The following EIF3L variants were observed in gnomAD, a reference collection of about 807,000 sequenced individuals.
The protein encoded by EIF3L is eukaryotic translation initiation factor 3 subunit L.
Under a neutral mutation model 74.6 loss-of-function variants are expected in EIF3L, and 32 were observed. The ratio of observed to expected loss-of-function variants is 0.43; its 90% confidence interval spans 0.32 to 0.58. The LOEUF is 0.58. Among genes scored for constraint, EIF3L ranks in the 20% least tolerant of loss-of-function variants. The pLI, the probability that EIF3L is intolerant of heterozygous loss-of-function variation, is 0.06. For synonymous variants in EIF3L, 256 were observed against 254.4 expected (o/e 1.01, Z -0.06); for missense variants, 474 against 707.8 (o/e 0.67, Z 3.75).
chr22:37,853,257 CAA>C (rs1484398140), intron 3 of EIF3L, among the ~76,000 whole-genome samples: 1 of 151,866 alleles, frequency 6.6e-6, no homozygotes, highest in East Asian at 1.9e-4. Context: ...TGACTCCTAA[CAA>C]GAAAGAATTC....
At chr22:37,855,681 G>C (rs1181967310) in intron 4 of EIF3L, 37 bp downstream of exon 4, 13 of 1,532,148 alleles carry the variant, frequency 8.5e-6, no homozygotes, top group African/African-American at 1.4e-5. Flanking sequence ...GCACTGAGTG[G>C]AATCCAGTGG....
chr22:37,879,929 A>C (rs1033341214), intron 11 of EIF3L: 1 of 150,594 alleles, frequency 6.6e-6, no homozygotes, highest in Non-Finnish European at 1.5e-5. Context: ...CCTCCTGAGT[A>C]GCTGGGATTA....
intron 11 of EIF3L, chr22:37,884,872 C>T: frequency 7.6e-6 from 1 of 131,974 alleles, no homozygotes. Context: ...ATAAAGAAAA[C>T]TTTCTCCCTT....
chr22:37,851,773 C>G (rs1329912753), intron 3 of EIF3L, among the ~76,000 whole-genome samples: 1 of 152,210 alleles, frequency 6.6e-6, no homozygotes, highest in Admixed American at 6.5e-5. Flanking sequence ...TCAAGTGATT[C>G]TCCAGCCTCA....
At position 37,870,178 on chromosome 22, in the gene EIF3L, T is replaced by C. The variant is rs775605538; in HGVS notation, c.582T>C (p.Phe194=). The part of the protein sequence containing the change: ...WDIIDEFIYQ[F]QSFSQYRCKT... Reference sequence around the variant, plus strand: ...ATGTTTCTTTTCTTCCTCAACAGTTTCAGTCATTCAGTCAGTACCGCTGTA... The same window carrying C: ...ATGTTTCTTTTCTTCCTCAACAGTTCCAGTCATTCAGTCAGTACCGCTGTA... The change falls in exon 8 of 13, where the codon TTT becomes TTC. Residue 194 remains phenylalanine, a splice_region_variant and synonymous_variant. Coordinates refer to ENST00000652021, the MANE Select transcript of EIF3L (RefSeq NM_016091.4). 2.5e-6 allele frequency: 4 copies of C among 1,596,486 alleles called. No homozygotes were observed. Among genetic ancestry groups the C allele is most frequent in the Admixed American group, 3.5e-5 (2 of 56,944 alleles).
chr22:37,857,516 CG>C (rs1355356349), intron 4 of EIF3L, among the ~76,000 whole-genome samples: 3 of 151,614 alleles, frequency 2.0e-5, no homozygotes, highest in South Asian at 2.1e-4. Flanking sequence ...TTATAGCTAA[CG>C]TTTTTTTGAA....
intron 8 of EIF3L, among the ~76,000 whole-genome samples, chr22:37,870,582 G>A (rs1926417484): frequency 6.6e-6 from 1 of 152,164 alleles, no homozygotes; most frequent in Admixed American, 6.5e-5. Context: ...ATTTGCGTTT[G>A]TAAACACTTC....
rs575742841 is a variant in EIF3L at position 37,878,849 on chromosome 22, G to C, written c.1575+678G>C. On this transcript the variant is annotated intron_variant, in intron 11 of 12. Coordinates refer to ENST00000652021, the MANE Select transcript of EIF3L (RefSeq NM_016091.4). Reference sequence around the variant, plus strand: ...GAAGGCAGAGGTGGTGGGAAGCACAGGTTGCAATGTTAAATACGGTGTTCA... The same window carrying C: ...GAAGGCAGAGGTGGTGGGAAGCACACGTTGCAATGTTAAATACGGTGTTCA... 3.3e-5 allele frequency: 5 copies of C among 152,304 alleles called. No individual in the cohort carries two copies. In the East Asian group the frequency reaches 5.8e-4, roughly 18 times the overall value. The allele number at this position is 152,304 out of a possible 1,614,324, so 9.4% of individuals were successfully genotyped here. A position where few individuals can be genotyped will look rare whatever the true frequency, so the allele number is the denominator to read the frequency against.
chr22:37,854,010 A>G (rs1925365452), intron 3 of EIF3L, among the ~76,000 whole-genome samples: 1 of 152,262 alleles, frequency 6.6e-6, no homozygotes. Flanking sequence ...GCTAGTGGCT[A>G]TTGCATTGGG....
intron 8 of EIF3L, 51 bp from the exon 9 acceptor site, chr22:37,874,319 G>T (rs1195254193): frequency 6.3e-7 from 1 of 1,581,142 alleles, no homozygotes; most frequent in Non-Finnish European, 8.6e-7. Context: ...GGTCAGGTGT[G>T]CCTGCCTTTA....
chr22:37,850,032 C>G lies in EIF3L; in HGVS notation c.51C>G (p.Tyr17Ter), dbSNP rs373682490. The change falls in exon 2 of 13, where the codon TAC (tyrosine) becomes TAG (stop). Residue 17 changes from tyrosine (Y) to a stop codon, truncating the protein, a stop_gained. Coordinates refer to ENST00000652021, the MANE Select transcript of EIF3L (RefSeq NM_016091.4). LOFTEE classifies it high-confidence loss of function. ...CCTTCTAGGCGGCTTATGACCCCTA[C>G]GCTTATCCCAGCGACTATGATATGC... is the stretch of plus-strand genomic sequence containing the variant. ...DYESEAAYDP[Y>*]AYPSDYDMHT... 2 of 1,613,704 alleles carry G rather than the reference C, an allele frequency of 1.2e-6. No homozygotes were observed. The highest frequency in any genetic ancestry group is 8.5e-7 in the Non-Finnish European group (1 of 1,179,782).
At chr22:37,864,927 A>G (rs1926066348) in intron 7 of EIF3L, among the ~76,000 whole-genome samples, 1 of 152,162 alleles carries the variant, frequency 6.6e-6, no homozygotes, top group Non-Finnish European at 1.5e-5. Flanking sequence ...TCTAAAACGG[A>G]TTGCTGCGAA....
chr22:37,863,254 C>T lies in EIF3L; in HGVS notation c.506-18C>T. ...AGTCATTGCTTTGAATCTGACTTTTCTGTGATCTCCTGCACAGATGCCGAT... is the reference window on the plus strand; with the variant it reads ...AGTCATTGCTTTGAATCTGACTTTTTTGTGATCTCCTGCACAGATGCCGAT... On this transcript the variant is annotated intron_variant, in intron 6 of 12. Transcript: ENST00000652021. 6.2e-7 allele frequency: 1 copy of T among 1,604,792 alleles called. No homozygotes were observed. Among genetic ancestry groups the T allele is most frequent in the East Asian group, 2.2e-5 (1 of 44,814 alleles).
At chr22:37,862,796 C>T (rs912116096) in intron 5 of EIF3L, among the ~76,000 whole-genome samples, 173 bp from the exon 6 acceptor site, 1 of 152,166 alleles carries the variant, frequency 6.6e-6, no homozygotes, top group African/African-American at 2.4e-5. Context: ...GTATTCAGTG[C>T]GTCAGCTGCT....
chr22:37,860,266 T>C (rs1161344795), intron 5 of EIF3L, among the ~76,000 whole-genome samples: 1 of 152,224 alleles, frequency 6.6e-6, no homozygotes, highest in Non-Finnish European at 1.5e-5. Context: ...ACTAAAAGCC[T>C]TGGCATTATT....
chr22:37,884,807 G>A (rs1927232790), intron 11 of EIF3L: 2 of 150,880 alleles, frequency 1.3e-5, no homozygotes, highest in South Asian at 4.2e-4. Flanking sequence ...GTGCAGCCTG[G>A]GTAACAAAGT....
intron 11 of EIF3L, 96 bp downstream of exon 11, chr22:37,878,267 A>T: frequency 6.8e-7 from 1 of 1,462,540 alleles, no homozygotes; most frequent in Non-Finnish European, 9.1e-7. Flanking sequence ...GAACAAAAAG[A>T]TTCCTGGCCT....
chr22:37,880,883 G>A (rs1205559998), intron 11 of EIF3L: 1 of 152,168 alleles, frequency 6.6e-6, no homozygotes, highest in Non-Finnish European at 1.5e-5. Flanking sequence ...TTTGCTCAAC[G>A]TTATAATTGA....
intron 7 of EIF3L, among the ~76,000 whole-genome samples, chr22:37,869,674 T>A (rs1926369470): frequency 2.6e-5 from 4 of 152,034 alleles, no homozygotes; most frequent in Non-Finnish European, 2.9e-5. Flanking sequence ...ACGACTCTGG[T>A]TGAGAGTGGT....
Sources: allele counts gnomAD v4.1 joint callset (sites outside exome capture counted in the v4.1 genomes callset), GRCh38; gene constraint gnomAD v4.1.1; transcripts MANE v1.5; gene names NCBI Gene and HGNC (gene_info 2026-07-23, HGNC 2026-07-21).